Variants in MYH4 observed in about 807,000 individuals in gnomAD.
MYH4 encodes the protein myosin-4.
MYH4 carries 200 observed loss-of-function variants against 229.9 expected under a neutral mutation model. The ratio of observed to expected loss-of-function variants is 0.87; its 90% CI spans 0.78 to 0.98. The LOEUF is 0.98. Among genes scored for constraint, MYH4 ranks in the 50% least tolerant of loss-of-function variants. MYH4 has a pLI of 0.00. For missense variants in MYH4, 2,148 were observed against 2,332.6 expected (o/e 0.92, Z 1.63); for synonymous variants, 761 against 834.6 (o/e 0.91, Z 1.52).
Position 10,444,640 on chromosome 17 carries a change from G to C in MYH4, c.5631C>G (p.Thr1877=). The C allele has an allele frequency of 6.2e-7, 1 of 1,613,880 alleles. No individual in the cohort carries two copies. Among genetic ancestry groups the C allele is most frequent in the African/African-American group, 1.3e-5 (1 of 74,974 alleles). Residue 1877 remains threonine (T), a synonymous_variant, in exon 39 of 40, where the codon ACC becomes ACG. Coordinates refer to ENST00000255381, the MANE Select transcript of MYH4 (RefSeq NM_017533.2). ...CTTGTCTCTTGTAAGCTTTGACTTTGGTTTGCAATTTGTCCACCAAGTCCT... is the reference window on the plus strand; with the variant it reads ...CTTGTCTCTTGTAAGCTTTGACTTTCGTTTGCAATTTGTCCACCAAGTCCT... The part of the protein sequence containing the change: ...RLQDLVDKLQ[T]KVKAYKRQAE...
chr17:10,463,755 G>A lies in MYH4; in HGVS notation c.649-112C>T. ...CACAGTATTCTGTAACTTTGGGAAA[G>A]GCTTTCTAAAATGAGTTAAAAAGAA... On this transcript the variant is annotated intron_variant, in intron 7 of 39. Transcript: ENST00000255381. 3.7e-6 allele frequency: 3 copies of A among 801,382 alleles called. No homozygotes were observed. In the Admixed American group the frequency reaches 9.5e-5, roughly 25 times the overall value. The allele number at this position is 801,382 out of a possible 1,614,324, so 49.6% of individuals were successfully genotyped here.
At position 10,444,809 on chromosome 17, in the gene MYH4, C is replaced by G; in HGVS notation, c.5557G>C (p.Glu1853Gln). 1 of 1,613,794 alleles carries G rather than the reference C, an allele frequency of 6.2e-7. No homozygotes were observed. The highest frequency in any genetic ancestry group is 1.3e-5 in the African/African-American group (1 of 75,014). The change falls in exon 38 of 40, where the codon GAA becomes CAA. Residue 1853 changes from glutamate (E) to glutamine (Q), a missense_variant. Coordinates refer to ENST00000255381, the MANE Select transcript of MYH4 (RefSeq NM_017533.2). ...ACACTGGTCACCTGGTAAGTGAGTT[C>G]CTTCACTCTTCTCTCATGTTTGCGA... ...GLRKHERRVKELTYQTEEDRK... is the reference protein window; with the variant it reads ...GLRKHERRVKQLTYQTEEDRK...
chr17:10,466,871 C>T, intron 2 of MYH4, 87 bp from the exon 3 acceptor site: 1 of 1,237,168 alleles, frequency 8.1e-7, no homozygotes, highest in Middle Eastern at 2.1e-4. Flanking sequence ...CTTAATTTTC[C>T]ATGCTTGTTT....
Position 10,457,583 on chromosome 17 carries a change from A to G in MYH4, c.1734T>C (p.Ala578=), listed in dbSNP as rs767992476. The G allele has an allele frequency of 2.5e-6, 4 of 1,614,012 alleles. 1 individual carries two copies. Among genetic ancestry groups the G allele is most frequent in the Non-Finnish European group, 3.4e-6 (4 of 1,180,036 alleles). ...CGGCATAGTGCACCAGTGAGAAGTGAGCCTCAGGCTTGCCTTTGGCAGGCT... is the reference window on the plus strand; with the variant it reads ...CGGCATAGTGCACCAGTGAGAAGTGGGCCTCAGGCTTGCCTTTGGCAGGCT... ...KPKPAKGKPE[A]HFSLVHYAGT... is the part of the protein sequence containing the mutation. The change falls in exon 16 of 40, where the codon GCT becomes GCC. Residue 578 remains alanine, a synonymous_variant. Transcript: ENST00000255381.
rs1391963523 is a variant in MYH4, at chr17:10,444,624, T to C, written c.5647A>G (p.Lys1883Glu). 1.2e-5 allele frequency: 20 copies of C among 1,613,916 alleles called. No individual in the cohort carries two copies. The highest frequency in any genetic ancestry group is 1.6e-5 in the Non-Finnish European group (19 of 1,179,910). ...DKLQTKVKAYKRQAEEAEEQS... is the reference protein window; with the variant it reads ...DKLQTKVKAYERQAEEAEEQS... The stretch of plus-strand genomic sequence containing the variant: ...CTCACAGCCTCTTCAGCTTGTCTCT[T>C]GTAAGCTTTGACTTTGGTTTGCAAT... Residue 1883 changes from lysine (K) to glutamate (E), a missense_variant, in exon 39 of 40, where the codon AAG (lysine) becomes GAG (glutamate). By Grantham distance (56) the Lys-to-Glu change is moderately conservative. Coordinates refer to ENST00000255381, the MANE Select transcript of MYH4 (RefSeq NM_017533.2).
At position 10,443,331 on chromosome 17, in the gene MYH4, A is replaced by G. The variant is rs775823235; in HGVS notation, c.*44T>C. 1 of 1,597,094 alleles carries G rather than the reference A, an allele frequency of 6.3e-7. No individual in the cohort carries two copies. Among genetic ancestry groups the G allele is most frequent in the Non-Finnish European group, 8.6e-7 (1 of 1,167,032 alleles). On this transcript the variant is annotated 3_prime_UTR_variant, in exon 40 of 40. Coordinates refer to ENST00000255381, the MANE Select transcript of MYH4 (RefSeq NM_017533.2). This position sits in a 1 kb window ranked among gnomAD's most constrained non-coding sequence, Gnocchi z 4.6. ...ACAGGACAGTGACAAAGAACTTCACATTTCGTGCATTTCTTTGGTCACATT... is the reference window on the plus strand; with the variant it reads ...ACAGGACAGTGACAAAGAACTTCACGTTTCGTGCATTTCTTTGGTCACATT...
rs1006761259 is a variant in MYH4 at position 10,448,039 on chromosome 17, C to G, written c.4744G>C (p.Glu1582Gln). ...AGCTGATCGAGTTCTTCATCTTTTT[C>G]AGCAATTTTTCGGTCAATCTCAGAT... The part of the protein sequence containing the change: ...VKSEIDRKIA[E>Q]KDEELDQLKR... The change falls in exon 34 of 40, where the codon GAA (glutamate) becomes CAA (glutamine). Residue 1582 changes from glutamate to glutamine, a missense_variant. Coordinates refer to ENST00000255381, the MANE Select transcript of MYH4 (RefSeq NM_017533.2). 3 of 1,613,934 alleles carry G rather than the reference C, an allele frequency of 1.9e-6. No individual in the cohort carries two copies. Among genetic ancestry groups the G allele is most frequent in the Non-Finnish European group, 2.5e-6 (3 of 1,180,010 alleles).
chr17:10,450,451 A>T lies in MYH4; in HGVS notation c.4181+2T>A. ...CTGCTCCCCTGCACTAAAAGCACAT[A>T]CTTGGCCTCCTCCAGCTCCTCTGTG... On this transcript the variant is annotated splice_donor_variant, in intron 30 of 39. Transcript: ENST00000255381. LOFTEE classifies it high-confidence loss of function. 4 of 1,613,932 alleles carry T rather than the reference A, an allele frequency of 2.5e-6. No individual in the cohort carries two copies. In the South Asian group the frequency reaches 3.3e-5, roughly 13 times the overall value.
At chr17:10,447,635 A>G (rs1210503260) in intron 34 of MYH4, among the ~76,000 whole-genome samples, 183 bp downstream of exon 34, 1 of 151,958 alleles carries the variant, frequency 6.6e-6, no homozygotes, top group Non-Finnish European at 1.5e-5. Context: ...AACAAAGCAA[A>G]CTCTGTCCTG....
chr17:10,452,001 A>C lies in MYH4; in HGVS notation c.3678T>G (p.Ser1226Arg), dbSNP rs148634488. ...RVKQKLEKEK[S>R]ELKMEINDLA... is the part of the protein sequence containing the mutation. ...GGTCATTGATCTCCATCTTCAGCTC[A>C]CTCTTTTCCTTCTCCAGCTTCTGCT... is the stretch of plus-strand genomic sequence containing the variant. Residue 1226 changes from serine (S) to arginine (R), a missense_variant, in exon 27 of 40, where the codon AGT (serine) becomes AGG (arginine). Physicochemically the swap from Ser to Arg is moderately radical, Grantham distance 110. Transcript: ENST00000255381. 9.9e-6 allele frequency: 16 copies of C among 1,613,564 alleles called. No homozygotes were observed. Among genetic ancestry groups the C allele is most frequent in the East Asian group, 2.2e-5 (1 of 44,838 alleles).
intron 35 of MYH4, 72 bp from the exon 36 acceptor site, chr17:10,445,434 G>A (rs1597413712): frequency 6.4e-7 from 1 of 1,554,542 alleles, no homozygotes; most frequent in East Asian, 2.3e-5. Context: ...TTTACCTAGT[G>A]TACACAGGCA....
In MYH4 at chr17:10,443,457, C is replaced by T. The variant is rs151125083; in HGVS notation, c.5738G>A (p.Arg1913Gln). The T allele has an allele frequency of 3.2e-5, 51 of 1,614,000 alleles. No homozygotes were observed. The highest frequency in any genetic ancestry group is 5.0e-5 in the Admixed American group (3 of 60,006). ...LQHELEEAKE[R>Q]ADIAESQVNK... is the part of the protein sequence containing the mutation. ...GACTTGGGACTCAGCAATGTCAGCC[C>T]GTTCCTTGGCCTCCTCCAGCTCGTG... Residue 1913 changes from arginine (R) to glutamine (Q), a missense_variant, in exon 40 of 40, where the codon CGG (arginine) becomes CAG (glutamine). Physicochemically the swap from Arg to Gln is conservative, Grantham distance 43. Coordinates refer to ENST00000255381, the MANE Select transcript of MYH4 (RefSeq NM_017533.2). The surrounding 1 kb of genome is among the most constrained non-coding windows in gnomAD (Gnocchi z 4.6).
At position 10,457,565 on chromosome 17, in the gene MYH4, G is replaced by A. The variant is rs1449714117; in HGVS notation, c.1752C>T (p.His584=). 1 of 1,614,098 alleles carries A rather than the reference G, an allele frequency of 6.2e-7. No homozygotes were observed. The highest frequency in any genetic ancestry group is 1.3e-5 in the African/African-American group (1 of 74,938). ...TGTTGTAGTCCACGGTGCCGGCATA[G>A]TGCACCAGTGAGAAGTGAGCCTCAG... ...GKPEAHFSLV[H]YAGTVDYNIA... The change falls in exon 16 of 40, where the codon CAC becomes CAT. Residue 584 remains histidine, a synonymous_variant. Coordinates refer to ENST00000255381, the MANE Select transcript of MYH4 (RefSeq NM_017533.2).
chr17:10,465,770 CTTT>C (rs957442606), intron 4 of MYH4, among the ~76,000 whole-genome samples, 172 bp from the exon 5 acceptor site: 1 of 97,988 alleles, frequency 1.0e-5, no homozygotes, highest in Non-Finnish European at 2.0e-5. Flanking sequence ...TTCAGTTTTT[CTTT>C]TTTTTTTTTT....
intron 8 of MYH4, 45 bp downstream of exon 8, chr17:10,463,506 A>G (rs778897720): frequency 1.3e-6 from 2 of 1,583,452 alleles, no homozygotes; most frequent in South Asian, 1.1e-5. Context: ...CATGCACACA[A>G]GAATCAGTGC....
In MYH4 at chr17:10,459,313, T is replaced by A; in HGVS notation, c.1525A>T (p.Ile509Phe). The change falls in exon 15 of 40, where the codon ATC becomes TTC. Residue 509 changes from isoleucine (I) to phenylalanine (F), a missense_variant. Physicochemically the swap from Ile to Phe is conservative, Grantham distance 21 (BLOSUM62 0). Coordinates refer to ENST00000255381, the MANE Select transcript of MYH4 (RefSeq NM_017533.2). ...CCGAAGTCAATGAACTCCCACTCGA[T>A]GCCTTCCTTCTTGTACTCTTCCTGC... ...LEQEEYKKEGIEWEFIDFGMD... is the reference protein window; with the variant it reads ...LEQEEYKKEGFEWEFIDFGMD... 1.9e-6 allele frequency: 3 copies of A among 1,614,150 alleles called. No individual in the cohort carries two copies. The highest frequency in any genetic ancestry group is 2.5e-6 in the Non-Finnish European group (3 of 1,180,026).
At chr17:10,454,920 G>T in intron 21 of MYH4, 21 bp downstream of exon 21, 1 of 1,613,530 alleles carries the variant, frequency 6.2e-7, no homozygotes, top group Non-Finnish European at 8.5e-7. Flanking sequence ...GGAGCAGGAA[G>T]ACTTGTGTGT....
intron 2 of MYH4, among the ~76,000 whole-genome samples, chr17:10,468,688 T>A (rs1165867821): frequency 6.6e-6 from 1 of 152,210 alleles, no homozygotes; most frequent in African/African-American, 2.4e-5. Context: ...CAATCACAGT[T>A]GGCAAGAGCT....
rs1253304452 is a variant in MYH4, at chr17:10,458,337, A to G, written c.1588-608T>C. Among the ~76,000 whole-genome samples the G allele has an allele frequency of 3.3e-5, 5 of 152,286 alleles. No homozygotes were observed. The South Asian group carries it at 1.0e-3, about 32-fold the overall frequency. On this transcript the variant is annotated intron_variant, in intron 15 of 39. Transcript: ENST00000255381. ...AACAAATTCACAAATTGTACCCCTA[A>G]GACTATTTTGGTGATACAGAAACTG...
Sources: gnomAD v4.1 joint callset for allele counts (sites outside exome capture counted in the v4.1 genomes callset) on GRCh38, gnomAD v4.1.1 for gene constraint, Gnocchi (gnomAD v3.1) non-coding constraint, MANE v1.5 for transcripts, NCBI Gene and HGNC (gene_info 2026-07-23, HGNC 2026-07-21) for gene names.